Variants in ZSWIM6 observed in about 807,000 individuals in gnomAD.
ZSWIM6 encodes zinc finger SWIM-type containing 6, also known as zinc finger SWIM domain-containing protein 6.
Under a neutral mutation model 113.2 loss-of-function variants are expected in ZSWIM6, and 9 were observed. That is an observed-to-expected ratio of 0.08 (90% CI 0.05 to 0.14). The LOEUF is 0.14. Among genes scored for constraint, ZSWIM6 ranks in the 10% least tolerant of loss-of-function variants. The pLI, the probability that ZSWIM6 is intolerant of heterozygous loss-of-function variation, is 1.00. For synonymous variants in ZSWIM6, 611 were observed against 606.5 expected (o/e 1.01, Z -0.11); for missense variants, 1,162 against 1,552.2 (o/e 0.75, Z 4.22).
At chr5:61,405,169 GTCT>G (rs1460683714) in intron 1 of ZSWIM6, among the ~76,000 whole-genome samples, 2 of 152,156 alleles carry the variant, frequency 1.3e-5, no homozygotes, top group African/African-American at 4.8e-5. Context: ...ATTAGCTTTT[GTCT>G]TCTTTTATAT....
intron 1 of ZSWIM6, among the ~76,000 whole-genome samples, chr5:61,461,280 C>G (rs1188671394): frequency 6.6e-6 from 1 of 152,170 alleles, no homozygotes; most frequent in Non-Finnish European, 1.5e-5. Context: ...AACTACCACC[C>G]CATATCTTGT....
intron 1 of ZSWIM6, among the ~76,000 whole-genome samples, chr5:61,440,083 CTA>C (rs1746793186): frequency 6.6e-6 from 1 of 151,568 alleles, no homozygotes; most frequent in Non-Finnish European, 1.5e-5. Context: ...AGAGTGGAAA[CTA>C]TACCACAGTT....
intron 1 of ZSWIM6, among the ~76,000 whole-genome samples, chr5:61,454,567 G>GTTTTTT (rs35249460): frequency 2.8e-4 from 36 of 128,246 alleles, no homozygotes; most frequent in Non-Finnish European, 3.2e-4. Context: ...CTATCCCTAA[G>GTTTTTT]TTTTTTTTTT....
intron 2 of ZSWIM6, among the ~76,000 whole-genome samples, chr5:61,482,589 G>A (rs1317424375): frequency 2.0e-5 from 3 of 152,154 alleles, no homozygotes; most frequent in Admixed American, 6.5e-5. Context: ...GGTCTATGAT[G>A]TATAGGGTAC....
At position 61,365,138 on chromosome 5, in the gene ZSWIM6, G is replaced by C. The variant is rs975593250; in HGVS notation, c.676+32190G>C. 2.0e-5 allele frequency among the ~76,000 whole-genome samples: 3 copies of C among 152,014 alleles called. 1 individual carries two copies. The highest frequency in any genetic ancestry group is 2.0e-4 in the Admixed American group (3 of 15,260). ...AGATCGAGGCTGGCGGATCACCTGA[G>C]GTCAGGAGTTCGAGAACAGCCTGGC... On this transcript the variant is annotated intron_variant, in intron 1 of 13. Coordinates refer to ENST00000252744, the MANE Select transcript of ZSWIM6 (RefSeq NM_020928.2).
chr5:61,442,284 A>G (rs1017626972), intron 1 of ZSWIM6, among the ~76,000 whole-genome samples: 1 of 152,144 alleles, frequency 6.6e-6, no homozygotes, highest in Admixed American at 6.5e-5. Flanking sequence ...TGTTTATTCA[A>G]AAGAAACTGT....
intron 1 of ZSWIM6, among the ~76,000 whole-genome samples, chr5:61,453,027 T>C (rs577636896): frequency 6.6e-6 from 1 of 152,338 alleles, no homozygotes; most frequent in African/African-American, 2.4e-5. Context: ...ACCACAGAAG[T>C]GATGGAGTGT....
intron 1 of ZSWIM6, among the ~76,000 whole-genome samples, chr5:61,382,144 G>T (rs1324923814): frequency 1.3e-5 from 2 of 152,160 alleles, no homozygotes; most frequent in Non-Finnish European, 2.9e-5. Flanking sequence ...GTGATGGCTG[G>T]TCCTGCATGC....
rs1481874382 is a variant in ZSWIM6 at position 61,332,882 on chromosome 5, C to T, written c.610C>T (p.Arg204Trp). The T allele has an allele frequency of 1.5e-6, 2 of 1,313,258 alleles. No homozygotes were observed. Among genetic ancestry groups the T allele is most frequent in the Non-Finnish European group, 9.9e-7 (1 of 1,015,040 alleles). The allele number at this position is 1,313,258 out of a possible 1,614,324, so 81.4% of individuals were successfully genotyped here. Residue 204 changes from arginine (R) to tryptophan (W), a missense_variant, in exon 1 of 14, where the codon CGG (arginine) becomes TGG (tryptophan). Coordinates refer to ENST00000252744, the MANE Select transcript of ZSWIM6 (RefSeq NM_020928.2). ...GGCGGCGGACGGCGGCGACGAGACG[C>T]GGCTGCCTTTCCGCCGGGGCATCGC... ...AGAADGGDET[R>W]LPFRRGIALL...
At position 61,417,162 on chromosome 5, in the gene ZSWIM6, C is replaced by T. The variant is rs141372960; in HGVS notation, c.677-55519C>T. Reference sequence around the variant, plus strand: ...GTCTCGAAGAAAAAAAAAATAAAAGCGCATACCTTTGTTAGCATCTGCCTG... The same window carrying T: ...GTCTCGAAGAAAAAAAAAATAAAAGTGCATACCTTTGTTAGCATCTGCCTG... On this transcript the variant is annotated intron_variant, in intron 1 of 13. Transcript: ENST00000252744. 9.9e-4 allele frequency among the ~76,000 whole-genome samples: 151 copies of T among 152,032 alleles called. 1 individual carries two copies. Among genetic ancestry groups the T allele is most frequent in the African/African-American group, 2.7e-3 (110 of 41,484 alleles).
At chr5:61,333,009 G>GGGCCCCCCC in intron 1 of ZSWIM6, 61 bp downstream of exon 1, 3 of 439,794 alleles carry the variant, frequency 6.8e-6, no homozygotes, top group Non-Finnish European at 9.6e-6. Flanking sequence ...TGGGGGGGGG[G>GGGCCCCCCC]TGCCCGCCTT....
chr5:61,344,331 T>C (rs1744611200), intron 1 of ZSWIM6, among the ~76,000 whole-genome samples: 1 of 152,224 alleles, frequency 6.6e-6, no homozygotes, highest in South Asian at 2.1e-4. Context: ...TTTATACTTT[T>C]CTCTAGACAG....
intron 1 of ZSWIM6, among the ~76,000 whole-genome samples, chr5:61,419,050 G>A (rs899089915): frequency 3.0e-4 from 45 of 152,352 alleles, no homozygotes; most frequent in African/African-American, 1.1e-3. Context: ...TTGAACTCCT[G>A]ACTTCAGGTG....
intron 4 of ZSWIM6, among the ~76,000 whole-genome samples, chr5:61,500,457 C>T (rs1748435670): frequency 6.6e-6 from 1 of 152,086 alleles, no homozygotes; most frequent in East Asian, 1.9e-4. Context: ...ATATGCCTCT[C>T]TTCCAGGTAG....
At chr5:61,352,726 G>T (rs539635273) in intron 1 of ZSWIM6, among the ~76,000 whole-genome samples, 23 of 152,338 alleles carry the variant, frequency 1.5e-4, no homozygotes, top group African/African-American at 5.5e-4. Flanking sequence ...ATCAAGGTCA[G>T]TTGTCTTAGA....
At chr5:61,483,193 G>C (rs1189605573) in intron 2 of ZSWIM6, among the ~76,000 whole-genome samples, 1 of 152,162 alleles carries the variant, frequency 6.6e-6, no homozygotes, top group Non-Finnish European at 1.5e-5. Flanking sequence ...TGCGTGGTAA[G>C]GGAGCTGAGC....
chr5:61,447,406 G>C (rs1403300126), intron 1 of ZSWIM6, among the ~76,000 whole-genome samples: 1 of 152,174 alleles, frequency 6.6e-6, no homozygotes, highest in Non-Finnish European at 1.5e-5. Context: ...CAGAAAGGTT[G>C]CTTTCCTCTC....
At chr5:61,351,367 T>C (rs1187336447) in intron 1 of ZSWIM6, among the ~76,000 whole-genome samples, 1 of 152,230 alleles carries the variant, frequency 6.6e-6, no homozygotes, top group Non-Finnish European at 1.5e-5. Flanking sequence ...CTTCCCTGAA[T>C]ATGTACCATG....
chr5:61,472,622 C>T lies in ZSWIM6; in HGVS notation c.677-59C>T. 3 of 1,292,058 alleles carry T rather than the reference C, an allele frequency of 2.3e-6. No homozygotes were observed. The highest frequency in any genetic ancestry group is 3.1e-6 in the Non-Finnish European group (3 of 960,744). 80.0% of individuals were successfully genotyped at this position (1,292,058 alleles called of 1,614,324 possible). A position where few individuals can be genotyped will look rare whatever the true frequency, so the allele number is the denominator to read the frequency against. On this transcript the variant is annotated intron_variant, in intron 1 of 13. Coordinates refer to ENST00000252744, the MANE Select transcript of ZSWIM6 (RefSeq NM_020928.2). The surrounding 1 kb of genome is among the most constrained non-coding windows in gnomAD (Gnocchi z 4.1). The stretch of plus-strand genomic sequence containing the variant: ...TCCCACACATTTCAAAGAATTAGAG[C>T]ATTTCATAGCATCTGAATGCAGAAG...
Sources: gnomAD v4.1 joint callset for allele counts (sites outside exome capture counted in the v4.1 genomes callset) on GRCh38, gnomAD v4.1.1 for gene constraint, Gnocchi (gnomAD v3.1) non-coding constraint, MANE v1.5 for transcripts, NCBI Gene and HGNC (gene_info 2026-07-23, HGNC 2026-07-21) for gene names.